Variants in DPH6 observed in about 807,000 individuals in gnomAD.
DPH6 encodes diphthine--ammonia ligase.
In DPH6, 33 loss-of-function variants were observed where a neutral mutation model predicts 38.2. The observed-to-expected ratio is 0.86, with a 90% CI of 0.65 to 1.15. DPH6 has a LOEUF of 1.15. DPH6 is among the 50% of genes most tolerant of loss of function. DPH6 has a pLI of 0.00. For missense variants in DPH6, 325 were observed against 320.0 expected (o/e 1.02, Z -0.12); for synonymous variants, 108 against 103.0 (o/e 1.05, Z -0.30).
chr15:35,214,859 C>A (rs1049876219), downstream of DPH6, among the ~76,000 whole-genome samples: 1 of 152,188 alleles, frequency 6.6e-6, no homozygotes, highest in African/African-American at 2.4e-5. Flanking sequence ...CCAGCTGCCT[C>A]AGCCTCCCAA....
At chr15:35,494,794 TA>T (rs955679700) in intron 3 of DPH6, among the ~76,000 whole-genome samples, 1 of 151,068 alleles carries the variant, frequency 6.6e-6, no homozygotes. Flanking sequence ...ATTTTTTTTT[TA>T]AAAAAAAACT....
At chr15:35,529,517 T>C (rs897237295) in intron 3 of DPH6, among the ~76,000 whole-genome samples, 1 of 152,114 alleles carries the variant, frequency 6.6e-6, no homozygotes, top group Non-Finnish European at 1.5e-5. Context: ...AAATGTAACT[T>C]GCCCATAACG....
At chr15:35,210,149 G>A in the DPH6 span, among the ~76,000 whole-genome samples, 1 of 151,958 alleles carries the variant, frequency 6.6e-6, no homozygotes, top group Non-Finnish European at 1.5e-5. Flanking sequence ...AGGGCAATTT[G>A]CCCAGTAAGA....
the DPH6 span, among the ~76,000 whole-genome samples, chr15:35,200,429 T>A: frequency 6.6e-6 from 1 of 152,252 alleles, no homozygotes; most frequent in Non-Finnish European, 1.5e-5. Context: ...TTTGTTGGAC[T>A]GTATCCTAAA....
intron 3 of DPH6, among the ~76,000 whole-genome samples, chr15:35,336,346 T>C (rs2052372608): frequency 7.3e-6 from 1 of 137,556 alleles, no homozygotes; most frequent in African/African-American, 2.8e-5. Flanking sequence ...TAGTCCCATA[T>C]TTCTTGGAGG....
intron 3 of DPH6, among the ~76,000 whole-genome samples, chr15:35,309,271 G>C (rs2052120232): frequency 6.6e-6 from 1 of 152,070 alleles, no homozygotes; most frequent in South Asian, 2.1e-4. Context: ...AATTTTCTCA[G>C]AAAAGAAAAT....
intron 5 of DPH6, among the ~76,000 whole-genome samples, chr15:35,445,204 T>A (rs751545461): frequency 1.3e-5 from 2 of 152,094 alleles, no homozygotes; most frequent in Non-Finnish European, 2.9e-5. Context: ...TGAATTCCAT[T>A]CACATTCACA....
chr15:35,168,123 T>C, the DPH6 span, among the ~76,000 whole-genome samples: 5 of 152,168 alleles, frequency 3.3e-5, 1 homozygote, highest in South Asian at 6.2e-4. Context: ...ACTCACTCAC[T>C]AGACAATGTA....
At chr15:35,411,478 C>T (rs577802255) in intron 5 of DPH6, among the ~76,000 whole-genome samples, 36 of 151,606 alleles carry the variant, frequency 2.4e-4, no homozygotes, top group Non-Finnish European at 4.6e-4. Context: ...AAGATAGAGA[C>T]AACTCTGAAA....
the DPH6 span, among the ~76,000 whole-genome samples, chr15:35,175,116 T>C: frequency 6.6e-6 from 1 of 152,206 alleles, no homozygotes; most frequent in South Asian, 2.1e-4. Flanking sequence ...TGAGTGTAGG[T>C]AATAGCCTTT....
At chr15:35,326,603 T>TA (rs1377849975), downstream of DPH6, among the ~76,000 whole-genome samples, 2 of 152,002 alleles carry the variant, frequency 1.3e-5, no homozygotes, top group African/African-American at 2.4e-5. Context: ...AGCTAATTTT[T>TA]AAAAAAATTT....
intron 3 of DPH6, among the ~76,000 whole-genome samples, chr15:35,474,697 G>A (rs139719124): frequency 1.7e-3 from 260 of 152,168 alleles, no homozygotes; most frequent in African/African-American, 6.0e-3. Context: ...TTTTTAAAAT[G>A]TTTATTAGTC....
At chr15:35,344,132 A>C (rs1566875524) in intron 3 of DPH6, among the ~76,000 whole-genome samples, 1 of 152,050 alleles carries the variant, frequency 6.6e-6, no homozygotes, top group Non-Finnish European at 1.5e-5. Context: ...TTATTAAAAA[A>C]TGTCTTTCTT....
intron 2 of DPH6, 92 bp downstream of exon 2, chr15:35,542,321 T>C (rs1344639891): frequency 1.9e-6 from 2 of 1,066,902 alleles, no homozygotes; most frequent in Non-Finnish European, 2.7e-6. Context: ...GGTTCTTTTT[T>C]TTTCATCTTT....
At chr15:35,345,896 T>C (rs970275582) in intron 3 of DPH6, among the ~76,000 whole-genome samples, 6 of 152,028 alleles carry the variant, frequency 3.9e-5, no homozygotes, top group Non-Finnish European at 8.8e-5. Flanking sequence ...GATGAATTAA[T>C]GCCCTACAGG....
intron 3 of DPH6, among the ~76,000 whole-genome samples, chr15:35,342,236 T>C (rs985109951): frequency 6.6e-6 from 1 of 152,224 alleles, no homozygotes; most frequent in South Asian, 2.1e-4. Flanking sequence ...GTTCTCTGTA[T>C]GTGCGTGAGT....
chr15:35,213,097 C>T (rs753392469), downstream of DPH6, among the ~76,000 whole-genome samples: 4 of 152,142 alleles, frequency 2.6e-5, no homozygotes, highest in African/African-American at 4.8e-5. Flanking sequence ...CCACAGTCTG[C>T]GTTTCATGTA....
intron 3 of DPH6, among the ~76,000 whole-genome samples, chr15:35,537,657 G>C (rs1025235342): frequency 2.6e-5 from 4 of 152,052 alleles, no homozygotes; most frequent in African/African-American, 9.7e-5. Context: ...TGTTCCAACA[G>C]ATTTAAGCAA....
intron 3 of DPH6, chr15:35,238,073 C>A: frequency 6.5e-7 from 1 of 1,548,810 alleles, no homozygotes; most frequent in Non-Finnish European, 8.9e-7. Flanking sequence ...AGTGGAATAA[C>A]CTATTTTGAA....
Sources: gnomAD v4.1 joint callset for allele counts (sites outside exome capture counted in the v4.1 genomes callset) on GRCh38, gnomAD v4.1.1 for gene constraint, MANE v1.5 for transcripts, NCBI Gene and HGNC (gene_info 2026-07-23, HGNC 2026-07-21) for gene names.